The following MACROD2 variants were observed in gnomAD, a reference collection of about 807,000 sequenced individuals.
The protein encoded by MACROD2 is mono-ADP ribosylhydrolase 2.
In MACROD2, 36 loss-of-function variants were observed where a neutral mutation model predicts 70.4. The observed-to-expected ratio is 0.51, with a 90% confidence interval of 0.39 to 0.68. The LOEUF is 0.68. Ranked by LOEUF, MACROD2 falls within the 30% of genes least tolerant of loss-of-function variation. MACROD2 has a pLI of 0.00. For missense variants in MACROD2, 496 were observed against 538.4 expected (o/e 0.92, Z 0.78); for synonymous variants, 172 against 178.8 (o/e 0.96, Z 0.30).
chr20:15,467,523 A>G (rs1159473352), intron 7 of MACROD2, among the ~76,000 whole-genome samples: 1 of 152,044 alleles, frequency 6.6e-6, no homozygotes, highest in Non-Finnish European at 1.5e-5. Flanking sequence ...GGGATTCAGG[A>G]GGTTATTTTT....
chr20:15,937,571 A>C, intron 12 of MACROD2, 27 bp downstream of exon 12: 1 of 1,595,564 alleles, frequency 6.3e-7, no homozygotes, highest in East Asian at 2.2e-5. Context: ...TATATCTAAT[A>C]ATTGCAGACT....
intron 3 of MACROD2, among the ~76,000 whole-genome samples, chr20:14,242,643 G>A (rs1295690421): frequency 6.6e-6 from 1 of 152,076 alleles, no homozygotes; most frequent in Non-Finnish European, 1.5e-5. Context: ...AGTAATAAAT[G>A]TATGTAATTT....
intron 2 of MACROD2, among the ~76,000 whole-genome samples, chr20:14,082,595 A>G (rs1224296319): frequency 6.6e-6 from 1 of 152,148 alleles, no homozygotes; most frequent in Non-Finnish European, 1.5e-5. Context: ...TGAGTTACTT[A>G]CATAATGCTT....
intron 3 of MACROD2, among the ~76,000 whole-genome samples, chr20:14,444,091 T>A (rs1398067427): frequency 1.3e-5 from 2 of 152,170 alleles, no homozygotes; most frequent in Non-Finnish European, 2.9e-5. Context: ...GTGTCACTGT[T>A]ATTCATAAAA....
chr20:14,425,437 G>A (rs542983649), intron 3 of MACROD2, among the ~76,000 whole-genome samples: 13 of 152,116 alleles, frequency 8.5e-5, no homozygotes, highest in Non-Finnish European at 1.8e-4. Context: ...TATGAAAAGC[G>A]ATCAAGAACT....
chr20:14,390,744 G>C (rs2083517753), intron 3 of MACROD2, among the ~76,000 whole-genome samples: 1 of 151,996 alleles, frequency 6.6e-6, no homozygotes, highest in African/African-American at 2.4e-5. Flanking sequence ...ATTAACTCAA[G>C]AATGGATTAA....
At chr20:15,250,011 C>T (rs1163013280) in intron 6 of MACROD2, among the ~76,000 whole-genome samples, 2 of 152,194 alleles carry the variant, frequency 1.3e-5, no homozygotes, top group East Asian at 3.9e-4. Flanking sequence ...AGAAAAGAAA[C>T]TTTTAAGGCA....
At chr20:14,567,436 A>G (rs744583) in intron 4 of MACROD2, among the ~76,000 whole-genome samples, 22,187 of 152,096 alleles carry the variant, frequency 0.15, 1,904 homozygotes, top group East Asian at 0.27. Context: ...GCTTGTGTGC[A>G]TGCGTGTGCC....
chr20:14,287,005 C>T (rs2082350346), intron 3 of MACROD2, among the ~76,000 whole-genome samples: 1 of 152,146 alleles, frequency 6.6e-6, no homozygotes, highest in African/African-American at 2.4e-5. Context: ...TAATCTCTAG[C>T]TAATTATTTC....
At chr20:15,060,131 C>G (rs929874377) in intron 5 of MACROD2, among the ~76,000 whole-genome samples, 6 of 152,178 alleles carry the variant, frequency 3.9e-5, no homozygotes, top group Admixed American at 3.9e-4. Flanking sequence ...GATTGCTAGC[C>G]TTGCTGTCCC....
chr20:14,304,525 T>C (rs1201518811), intron 3 of MACROD2, among the ~76,000 whole-genome samples: 1 of 152,238 alleles, frequency 6.6e-6, no homozygotes, highest in East Asian at 1.9e-4. Flanking sequence ...CTTTGGTTTG[T>C]TTATTTAGAT....
At chr20:14,038,060 C>G (rs1008878326) in intron 2 of MACROD2, among the ~76,000 whole-genome samples, 1 of 152,046 alleles carries the variant, frequency 6.6e-6, no homozygotes, top group African/African-American at 2.4e-5. Context: ...TTTGGGAGGC[C>G]GAGGCAGTGG....
chr20:14,874,683 T>G (rs1568848399), intron 5 of MACROD2, among the ~76,000 whole-genome samples: 1 of 103,480 alleles, frequency 9.7e-6, no homozygotes, highest in African/African-American at 3.4e-5. Context: ...ATTTATTTAT[T>G]TATTTATTTA....
chr20:15,912,333 C>G (rs2065249538), intron 10 of MACROD2, among the ~76,000 whole-genome samples: 1 of 152,168 alleles, frequency 6.6e-6, no homozygotes, highest in Non-Finnish European at 1.5e-5. Flanking sequence ...AACGTTGGGT[C>G]TCATCATCTG....
At chr20:15,126,077 A>G (rs553106016) in intron 5 of MACROD2, among the ~76,000 whole-genome samples, 1 of 144,234 alleles carries the variant, frequency 6.9e-6, no homozygotes, top group South Asian at 2.2e-4. Context: ...TTGTATATCC[A>G]TTTATCAATT....
chr20:14,568,402 C>A (rs977301063), intron 4 of MACROD2, among the ~76,000 whole-genome samples: 1 of 151,972 alleles, frequency 6.6e-6, no homozygotes, highest in African/African-American at 2.4e-5. Flanking sequence ...ACAAAGCTTG[C>A]AGCATTTAGC....
chr20:15,230,346 G>A (rs1376797680), intron 6 of MACROD2, among the ~76,000 whole-genome samples: 1 of 152,112 alleles, frequency 6.6e-6, no homozygotes, highest in African/African-American at 2.4e-5. Flanking sequence ...TTTGGAGAAA[G>A]TAAATATTAT....
At chr20:15,096,773 A>G (rs1045313017) in intron 5 of MACROD2, among the ~76,000 whole-genome samples, 3 of 150,060 alleles carry the variant, frequency 2.0e-5, no homozygotes, top group African/African-American at 7.4e-5. Flanking sequence ...CGGCCTCCCA[A>G]AGTGCTGGGA....
rs184714670 is a variant in MACROD2, at chr20:14,678,673, G to A, written c.302-6170G>A. 1.4e-3 allele frequency among the ~76,000 whole-genome samples: 207 copies of A among 152,206 alleles called. 2 individuals carry two copies. Among genetic ancestry groups the A allele is most frequent in the Non-Finnish European group, 2.2e-3 (148 of 68,020 alleles). ...CCATCTGCCTCCCCAGGGTAGATGTGAGAAGTGCTACTGTGTTGTATTCCA... is the reference window on the plus strand; with the variant it reads ...CCATCTGCCTCCCCAGGGTAGATGTAAGAAGTGCTACTGTGTTGTATTCCA... On this transcript the variant is annotated intron_variant, in intron 4 of 17. Transcript: ENST00000684519.
Sources: allele counts gnomAD v4.1 joint callset (sites outside exome capture counted in the v4.1 genomes callset), GRCh38; gene constraint gnomAD v4.1.1; transcripts MANE v1.5; gene names NCBI Gene and HGNC (gene_info 2026-07-23, HGNC 2026-07-21).